Variants in MORN1 observed in about 807,000 individuals in gnomAD.
MORN1 encodes MORN repeat-containing protein 1.
In MORN1, 67 loss-of-function variants were observed where a neutral mutation model predicts 61.9. The ratio of observed to expected loss-of-function variants is 1.08; its 90% confidence interval spans 0.89 to 1.33. MORN1 has a LOEUF of 1.33. MORN1 is among the 40% of genes most tolerant of loss of function. MORN1 has a pLI of 0.00. For synonymous variants in MORN1, 301 were observed against 292.0 expected, an observed-to-expected ratio of 1.03 and a Z score of -0.31; for missense variants, 752 against 691.2, an observed-to-expected ratio of 1.09 and a Z score of -0.99.
At chr1:2,330,681 C>A (rs1489219578) in intron 12 of MORN1, among the ~76,000 whole-genome samples, 3 of 152,210 alleles carry the variant, frequency 2.0e-5, no homozygotes, top group Non-Finnish European at 4.4e-5. Flanking sequence ...GGAGGAGGAG[C>A]TTGGATGCCG....
At chr1:2,390,907 G>A (rs927838830) in intron 1 of MORN1, 3 of 256,666 alleles carry the variant, frequency 1.2e-5, no homozygotes, top group African/African-American at 2.3e-5. Flanking sequence ...ACCACCCCGG[G>A]CCAATTTTTG....
chr1:2,373,534 T>C (rs1006685321), intron 7 of MORN1, among the ~76,000 whole-genome samples: 3 of 152,080 alleles, frequency 2.0e-5, no homozygotes, highest in Non-Finnish European at 4.4e-5. Context: ...TCCCTTGAGG[T>C]GAGGTCACCA....
chr1:2,335,800 C>T (rs1448193116), intron 12 of MORN1, among the ~76,000 whole-genome samples: 2 of 146,152 alleles, frequency 1.4e-5, no homozygotes, highest in African/African-American at 2.8e-5. Flanking sequence ...GTCCCCAGGG[C>T]ACATCAGCGG....
At chr1:2,358,501 G>A in intron 9 of MORN1, 91 bp downstream of exon 9, 1 of 1,537,406 alleles carries the variant, frequency 6.5e-7, no homozygotes, top group South Asian at 1.2e-5. Context: ...CTTAGCCCAG[G>A]TCTCTAGGGA....
chr1:2,389,776 C>G (rs1233786306), intron 2 of MORN1, 149 bp downstream of exon 2: 1 of 718,446 alleles, frequency 1.4e-6, no homozygotes, highest in African/African-American at 1.7e-5. Flanking sequence ...GCCCATCCAG[C>G]CTTACCCTGA....
At chr1:2,324,603 G>A (rs956156424) in intron 12 of MORN1, among the ~76,000 whole-genome samples, 15 of 152,160 alleles carry the variant, frequency 9.9e-5, no homozygotes, top group African/African-American at 3.6e-4. Flanking sequence ...CGGTGGTATG[G>A]TGCCCCCTTG....
chr1:2,374,829 C>A, intron 6 of MORN1: 3 of 344,974 alleles, frequency 8.7e-6, no homozygotes, highest in South Asian at 1.4e-4. Context: ...ATATAAAATG[C>A]AAACAAAACC....
chr1:2,372,560 C>T lies in MORN1; in HGVS notation c.666G>A (p.Pro222=), dbSNP rs200649061. 2.5e-5 allele frequency: 41 copies of T among 1,613,604 alleles called. No individual in the cohort carries two copies. Among genetic ancestry groups the T allele is most frequent in the Admixed American group, 2.2e-4 (13 of 59,958 alleles). Residue 222 remains proline (P), a synonymous_variant, in exon 8 of 14, where the codon CCG becomes CCA. Transcript: ENST00000378531. This position sits in a 1 kb window ranked among gnomAD's most constrained non-coding sequence, Gnocchi z 5.4. ...ACCCTTGGGCCACTTCCATCACCTC[C>T]GGACCCAAGATCACGATCCTCGTAG... ...EQATRIVILG[P]EVMEVAQGSP...
chr1:2,324,695 G>T (rs377646701), intron 12 of MORN1, among the ~76,000 whole-genome samples: 5 of 152,166 alleles, frequency 3.3e-5, no homozygotes, highest in African/African-American at 1.2e-4. Context: ...GGGCCCAGGG[G>T]TCCTGCCGGG....
At chr1:2,335,829 A>AGGCCCG (rs1557870453) in intron 12 of MORN1, among the ~76,000 whole-genome samples, 67 of 139,434 alleles carry the variant, frequency 4.8e-4, no homozygotes, top group African/African-American at 2.2e-3. Context: ...TCGCCTCCAT[A>AGGCCCG]GCCCAGCCCA....
In MORN1 at chr1:2,334,717, A is replaced by G. The variant is rs1260853025; in HGVS notation, c.1250+1752T>C. Among the ~76,000 whole-genome samples, 4 of 152,224 alleles carry G rather than the reference A, an allele frequency of 2.6e-5. No homozygotes were observed. Among genetic ancestry groups the G allele is most frequent in the African/African-American group, 9.6e-5 (4 of 41,462 alleles). On this transcript the variant is annotated intron_variant, in intron 12 of 13. Coordinates refer to ENST00000378531, the MANE Select transcript of MORN1 (RefSeq NM_024848.3). This position sits in a 1 kb window ranked among gnomAD's most constrained non-coding sequence, Gnocchi z 5.4. Reference sequence around the variant, plus strand: ...GCCAGGTCGTCCTGGGATTGAAACAATCCTAGTCCAACGACACTTAACTCG... The same window carrying G: ...GCCAGGTCGTCCTGGGATTGAAACAGTCCTAGTCCAACGACACTTAACTCG...
chr1:2,391,539 C>A lies in MORN1; in HGVS notation c.-6G>T, dbSNP rs1052865643. 5 of 1,248,952 alleles carry A rather than the reference C, an allele frequency of 4.0e-6. No homozygotes were observed. Among genetic ancestry groups the A allele is most frequent in the African/African-American group, 1.6e-5 (1 of 64,480 alleles). 77.4% of individuals were successfully genotyped at this position (1,248,952 alleles called of 1,614,324 possible). ...CCCTCGCCCGCCGCTGCCATCTTGC[C>A]GCCGAGGGTTCTCTTAGCGACCAGC... On this transcript the variant is annotated 5_prime_UTR_variant, in exon 1 of 14. Transcript: ENST00000378531.
intron 12 of MORN1, among the ~76,000 whole-genome samples, chr1:2,333,341 C>T (rs1335764727): frequency 6.6e-6 from 1 of 152,222 alleles, no homozygotes; most frequent in Non-Finnish European, 1.5e-5. Flanking sequence ...GGGCCCAGCT[C>T]CCGAAGCCTC....
chr1:2,374,717 GGT>G, intron 6 of MORN1, 160 bp from the exon 7 acceptor site: 1 of 585,616 alleles, frequency 1.7e-6, no homozygotes, highest in East Asian at 2.8e-5. Context: ...GTCCCTCGGT[GGT>G]GAGAAACTGT....
intron 13 of MORN1, chr1:2,323,556 G>A: frequency 1.0e-6 from 1 of 985,376 alleles, no homozygotes; most frequent in Non-Finnish European, 1.2e-6. Context: ...GGGGGTGCCA[G>A]GCCCAGGCTG....
intron 12 of MORN1, among the ~76,000 whole-genome samples, chr1:2,324,755 C>G (rs1279779955): frequency 6.6e-6 from 1 of 152,146 alleles, no homozygotes; most frequent in East Asian, 1.9e-4. Flanking sequence ...GGGTGCAGCT[C>G]CTGCCCTGAG....
chr1:2,323,556 G>T, intron 13 of MORN1: 3 of 985,376 alleles, frequency 3.0e-6, no homozygotes, highest in Non-Finnish European at 3.6e-6. Context: ...GGGGGTGCCA[G>T]GCCCAGGCTG....
At chr1:2,348,763 ACCTGCG>A (rs1641580946) in intron 10 of MORN1, among the ~76,000 whole-genome samples, 1 of 134,644 alleles carries the variant, frequency 7.4e-6, no homozygotes, top group Non-Finnish European at 1.5e-5. Context: ...ACACACGCAC[ACCTGCG>A]CAGGCACGCA....
chr1:2,345,067 G>A lies in MORN1; in HGVS notation c.1037-8217C>T, dbSNP rs373023065. Among the ~76,000 whole-genome samples the A allele has an allele frequency of 1.2e-4, 19 of 152,222 alleles. No individual in the cohort carries two copies. The South Asian group carries it at 3.9e-3, about 32-fold the overall frequency. ...CATATGTGCCCCGAAGACAGTGTCAGCCTCCAGGAGGGTCCACGCGTGCTC... is the reference window on the plus strand; with the variant it reads ...CATATGTGCCCCGAAGACAGTGTCAACCTCCAGGAGGGTCCACGCGTGCTC... On this transcript the variant is annotated intron_variant, in intron 10 of 13. Coordinates refer to ENST00000378531, the MANE Select transcript of MORN1 (RefSeq NM_024848.3).
Sources: gnomAD v4.1 joint callset for allele counts (sites outside exome capture counted in the v4.1 genomes callset) on GRCh38, gnomAD v4.1.1 for gene constraint, Gnocchi (gnomAD v3.1) non-coding constraint, MANE v1.5 for transcripts, NCBI Gene and HGNC (gene_info 2026-07-23, HGNC 2026-07-21) for gene names.